Variants in ZNF2 observed in about 807,000 individuals in gnomAD.
The protein encoded by ZNF2 is zinc finger protein 2, also known as zinc finger protein 2.2.
ZNF2 carries 12 observed loss-of-function variants against 21.9 expected under a neutral mutation model. The ratio of observed to expected loss-of-function variants is 0.55; its 90% confidence interval spans 0.35 to 0.89. The LOEUF is 0.89. ZNF2 is among the 40% of genes least tolerant of loss of function. ZNF2 has a pLI of 0.01. For synonymous variants in ZNF2, 186 were observed against 196.3 expected (o/e 0.95, Z 0.44); for missense variants, 462 against 544.2 (o/e 0.85, Z 1.50).
chr2:95,174,765 G>A (rs968015123), intron 1 of ZNF2, among the ~76,000 whole-genome samples: 5 of 152,146 alleles, frequency 3.3e-5, no homozygotes, highest in African/African-American at 1.2e-4. Flanking sequence ...TTACTTGTTT[G>A]TTCTCTGTGC....
chr2:95,167,505 C>CA (rs756206050), intron 1 of ZNF2, among the ~76,000 whole-genome samples: 903 of 43,812 alleles, frequency 0.021, 8 homozygotes, highest in African/African-American at 0.028. Context: ...GACTCAGTCT[C>CA]AAAAAAAAAA....
chr2:95,167,783 G>A (rs1205346247), intron 1 of ZNF2, among the ~76,000 whole-genome samples: 2 of 151,322 alleles, frequency 1.3e-5, no homozygotes, highest in Admixed American at 1.3e-4. Flanking sequence ...AGAGGTGGAG[G>A]TTGCAGTGAG....
At chr2:95,175,384 G>T (rs199580270) in intron 1 of ZNF2, among the ~76,000 whole-genome samples, 4 of 152,180 alleles carry the variant, frequency 2.6e-5, no homozygotes, top group Non-Finnish European at 5.9e-5. Context: ...AGGTCTTTGC[G>T]TCAGTGTTTC....
Position 95,181,153 on chromosome 2 carries a change from G to A in ZNF2, c.325G>A (p.Gly109Arg). The stretch of plus-strand genomic sequence containing the variant: ...CGATGCTTCAGACAAAAAATCAGAA[G>A]GATCATTGAGGGAATGCCTTGGAAG... Reference protein sequence around the residue: ...IHDASDKKSEGSLRECLGRQS... With the variant: ...IHDASDKKSERSLRECLGRQS... Residue 109 changes from glycine (G) to arginine (R), a missense_variant, in exon 5 of 5, where the codon GGA becomes AGA. Gly to Arg is a moderately radical substitution (Grantham distance 125, BLOSUM62 -2). Coordinates refer to ENST00000614034, the MANE Select transcript of ZNF2 (RefSeq NM_021088.4). 1.2e-6 allele frequency: 2 copies of A among 1,614,160 alleles called. No individual in the cohort carries two copies. Among genetic ancestry groups the A allele is most frequent in the African/African-American group, 2.7e-5 (2 of 75,028 alleles).
chr2:95,177,783 C>G (rs1259642103), intron 3 of ZNF2, among the ~76,000 whole-genome samples, 174 bp downstream of exon 3: 2 of 152,138 alleles, frequency 1.3e-5, no homozygotes, highest in East Asian at 3.9e-4. Flanking sequence ...AATACTGAAC[C>G]CCAGCATTGG....
Position 95,179,441 on chromosome 2 carries a change from A to G in ZNF2, c.161-718A>G, listed in dbSNP as rs1674562480. On this transcript the variant is annotated intron_variant, in intron 3 of 4. Transcript: ENST00000614034. ...AGAATGCACCGGACAGACTTGTTTC[A>G]ATGAAAGCACAATGTTCAAGGCAAA... Among the ~76,000 whole-genome samples the G allele has an allele frequency of 2.0e-5, 3 of 152,234 alleles. No homozygotes were observed. In the South Asian group the frequency reaches 6.2e-4, roughly 31 times the overall value.
At chr2:95,176,624 G>T (rs2104504109) in intron 2 of ZNF2, among the ~76,000 whole-genome samples, 1 of 152,344 alleles carries the variant, frequency 6.6e-6, no homozygotes, top group East Asian at 1.9e-4. Context: ...GTTCCAGGGA[G>T]TGTGGGGCTA....
At chr2:95,174,951 T>G (rs1674391567) in intron 1 of ZNF2, among the ~76,000 whole-genome samples, 3 of 152,128 alleles carry the variant, frequency 2.0e-5, no homozygotes, top group African/African-American at 7.2e-5. Flanking sequence ...CAAATATGCC[T>G]TTTCCTCCTC....
At position 95,165,822 on chromosome 2, in the gene ZNF2, G is replaced by A. The variant is rs1445576074; in HGVS notation, c.-78G>A. On this transcript the variant is annotated 5_prime_UTR_variant, in exon 1 of 5. Transcript: ENST00000614034. ...GCGCGTTGGTTTCCCGACCTGAAGA[G>A]GCGCCGTCTTCCCGGGTCCCGAGCA... 1.3e-5 allele frequency: 2 copies of A among 152,366 alleles called. No individual in the cohort carries two copies. The highest frequency in any genetic ancestry group is 4.8e-5 in the African/African-American group (2 of 41,486). The allele number at this position is 152,366 out of a possible 1,614,324, so 9.4% of individuals were successfully genotyped here. A position where few individuals can be genotyped will look rare whatever the true frequency, so the allele number is the denominator to read the frequency against.
rs369246154 is a variant in ZNF2 at position 95,182,085 on chromosome 2, C to G, written c.1257C>G (p.Tyr419Ter). Residue 419 changes from tyrosine to a stop codon, truncating the protein, a stop_gained, in exon 5 of 5, where the codon TAC becomes TAG. Coordinates refer to ENST00000614034, the MANE Select transcript of ZNF2 (RefSeq NM_021088.4). LOFTEE classifies it high-confidence loss of function. The part of the protein sequence containing the change: ...KSSVIQHQRR[Y>*]AKQGID ...CTGTTATTCAACATCAACGGCGTTA[C>G]GCCAAACAGGGAATAGACTGAGTTG... The G allele has an allele frequency of 1.9e-6, 3 of 1,607,620 alleles. No individual in the cohort carries two copies. The highest frequency in any genetic ancestry group is 2.6e-6 in the Non-Finnish European group (3 of 1,175,406).
intron 1 of ZNF2, among the ~76,000 whole-genome samples, chr2:95,168,752 G>A (rs1289036725): frequency 6.6e-6 from 1 of 152,124 alleles, no homozygotes; most frequent in Non-Finnish European, 1.5e-5. Flanking sequence ...AACAACTGTT[G>A]GCTTAAGTAA....
At chr2:95,175,991 T>C (rs1674427205) in intron 1 of ZNF2, among the ~76,000 whole-genome samples, 197 bp from the exon 2 acceptor site, 1 of 152,224 alleles carries the variant, frequency 6.6e-6, no homozygotes, top group Non-Finnish European at 1.5e-5. Flanking sequence ...TGTGGTCTAA[T>C]TCGCAGTTCC....
At chr2:95,173,758 G>A (rs773141882) in intron 1 of ZNF2, among the ~76,000 whole-genome samples, 31 of 152,330 alleles carry the variant, frequency 2.0e-4, no homozygotes, top group Non-Finnish European at 3.8e-4. Context: ...CGCCAGGCTG[G>A]AGTGCAGTGG....
intron 3 of ZNF2, 128 bp from the exon 4 acceptor site, chr2:95,180,031 T>A: frequency 1.5e-6 from 1 of 652,028 alleles, no homozygotes; most frequent in African/African-American, 1.8e-5. Flanking sequence ...CATTCCAGCC[T>A]GGGCGACAGA....
At chr2:95,174,601 C>T (rs555324194) in intron 1 of ZNF2, among the ~76,000 whole-genome samples, 53 of 152,324 alleles carry the variant, frequency 3.5e-4, no homozygotes, top group Admixed American at 1.3e-3. Flanking sequence ...CAAATGAAAA[C>T]TTAGCTTAGA....
At chr2:95,180,661 C>CT (rs1674607475) in intron 4 of ZNF2, among the ~76,000 whole-genome samples, 1 of 152,162 alleles carries the variant, frequency 6.6e-6, no homozygotes, top group Admixed American at 6.5e-5. Flanking sequence ...CAGGCACCCG[C>CT]TACCACGCCT....
At chr2:95,171,674 C>G (rs4854246) in intron 1 of ZNF2, among the ~76,000 whole-genome samples, 26,201 of 152,260 alleles carry the variant, frequency 0.17, 2,571 homozygotes, top group Admixed American at 0.3. Flanking sequence ...AGCCACCGCA[C>G]CCAGCCTGTC....
At chr2:95,170,175 A>T (rs1168904061) in intron 1 of ZNF2, among the ~76,000 whole-genome samples, 1 of 152,230 alleles carries the variant, frequency 6.6e-6, no homozygotes, top group Non-Finnish European at 1.5e-5. Context: ...CAGACCAAAA[A>T]GGAAAAGAAT....
chr2:95,181,554 G>T lies in ZNF2; in HGVS notation c.726G>T (p.Ser242=), dbSNP rs778229377. The change falls in exon 5 of 5, where the codon TCG becomes TCT. Residue 242 remains serine, a synonymous_variant. Transcript: ENST00000614034. ...SVCSKAFFDR[S]SLTVHQRIHT... Reference sequence around the variant, plus strand: ...GCTCAAAAGCCTTCTTTGACCGTTCGTCCCTAACTGTCCATCAGCGAATTC... The same window carrying T: ...GCTCAAAAGCCTTCTTTGACCGTTCTTCCCTAACTGTCCATCAGCGAATTC... 1 of 1,614,072 alleles carries T rather than the reference G, an allele frequency of 6.2e-7. No individual in the cohort carries two copies. The highest frequency in any genetic ancestry group is 8.5e-7 in the Non-Finnish European group (1 of 1,179,998).
Sources: gnomAD v4.1 joint callset for allele counts (sites outside exome capture counted in the v4.1 genomes callset) on GRCh38, gnomAD v4.1.1 for gene constraint, MANE v1.5 for transcripts, NCBI Gene and HGNC (gene_info 2026-07-23, HGNC 2026-07-21) for gene names.